SUMF2: variants seen among roughly 807,000 people sequenced by gnomAD.
The protein encoded by SUMF2 is inactive C-alpha-formylglycine-generating enzyme 2.
In SUMF2, 45 loss-of-function variants were observed where a neutral mutation model predicts 44.8. The ratio of observed to expected loss-of-function variants is 1.00; its 90% CI spans 0.79 to 1.29. SUMF2 has a LOEUF of 1.29. Among genes scored for constraint, SUMF2 ranks in the 50% most tolerant of loss-of-function variants. SUMF2 has a pLI of 0.00. For synonymous variants in SUMF2, 148 were observed against 150.4 expected, an observed-to-expected ratio of 0.98 and a Z score of 0.12; for missense variants, 418 against 389.9, an observed-to-expected ratio of 1.07 and a Z score of -0.61.
Position 56,076,759 on chromosome 7 carries a change from C to G in SUMF2, c.536-75C>G, listed in dbSNP as rs1013045734. 28 of 1,384,712 alleles carry G rather than the reference C, an allele frequency of 2.0e-5. No individual in the cohort carries two copies. The African/African-American group carries it at 2.0e-4, about 10-fold the overall frequency. 85.8% of individuals were successfully genotyped at this position (1,384,712 alleles called of 1,614,324 possible). A position where few individuals can be genotyped will look rare whatever the true frequency, so the allele number is the denominator to read the frequency against. On this transcript the variant is annotated intron_variant, in intron 5 of 8. Coordinates refer to ENST00000434526, the MANE Select transcript of SUMF2 (RefSeq NM_015411.4). The stretch of plus-strand genomic sequence containing the variant: ...CTCTAACTTCCTTTTGATTCCCTCA[C>G]TCTTTCTGTGTTCTTTTTTCCTTCC...
chr7:56,082,391 G>C (rs568732075), downstream of SUMF2: 23 of 619,834 alleles, frequency 3.7e-5, no homozygotes, highest in South Asian at 4.6e-4. Flanking sequence ...CCAGGAGTTC[G>C]AGACCAGCCT....
chr7:56,082,797 G>A (rs1796073571), downstream of SUMF2, among the ~76,000 whole-genome samples: 1 of 152,048 alleles, frequency 6.6e-6, no homozygotes, highest in Non-Finnish European at 1.5e-5. Context: ...GAACCTGGGA[G>A]AGGACTTACC....
At chr7:56,082,343 A>C (rs1472578320), downstream of SUMF2, 83 of 1,033,230 alleles carry the variant, frequency 8.0e-5, no homozygotes, top group Admixed American at 6.1e-5. Context: ...CTATAATCCT[A>C]GCACTTTGGG....
downstream of SUMF2, chr7:56,083,732 T>TTGA: frequency 6.5e-7 from 1 of 1,549,620 alleles, no homozygotes. Flanking sequence ...AAACAGAGGG[T>TTGA]TGATAGCTGG....
intron 1 of SUMF2, among the ~76,000 whole-genome samples, chr7:56,068,127 G>A (rs556420465): frequency 6.8e-4 from 98 of 144,534 alleles, no homozygotes; most frequent in Non-Finnish European, 1.2e-3. Context: ...TCCGCCTCCC[G>A]GGTTTACACC....
intron 5 of SUMF2, among the ~76,000 whole-genome samples, chr7:56,075,665 C>T (rs1256720484): frequency 6.7e-6 from 1 of 150,042 alleles, no homozygotes; most frequent in African/African-American, 2.5e-5. Flanking sequence ...CGCCACTGCA[C>T]TCCAGCCTGG....
intron 5 of SUMF2, chr7:56,076,625 A>G (rs1795568127): frequency 2.2e-6 from 1 of 453,258 alleles, no homozygotes. Flanking sequence ...TTAGGATTAC[A>G]TTGCCCTGGA....
chr7:56,081,947 G>A, downstream of SUMF2: 1 of 1,613,942 alleles, frequency 6.2e-7, no homozygotes. This position sits in a 1 kb window ranked among gnomAD's most constrained non-coding sequence, Gnocchi z 4.6. Context: ...CAAACTGGTA[G>A]TTGCCGCTCA....
downstream of SUMF2, among the ~76,000 whole-genome samples, chr7:56,082,997 T>A (rs1271569534): frequency 2.0e-5 from 3 of 151,152 alleles, no homozygotes; most frequent in African/African-American, 7.3e-5. Flanking sequence ...TCACAGCTAC[T>A]CAGGAGGTTG....
rs181299906 is a variant in SUMF2, at chr7:56,074,580, T to C, written c.385-6T>C. The C allele has an allele frequency of 3.2e-4, 524 of 1,613,832 alleles. 1 individual carries two copies. The African/African-American group carries it at 6.3e-3, about 19-fold the overall frequency. On this transcript the variant is annotated splice_region_variant and splice_polypyrimidine_tract_variant and intron_variant, in intron 4 of 8. Coordinates refer to ENST00000434526, the MANE Select transcript of SUMF2 (RefSeq NM_015411.4). The stretch of plus-strand genomic sequence containing the variant: ...GAAGCCTGTCTCACTTAATCCTGGC[T>C]GTCAGCCTGCAGGTCCTGGCTCTGG...
At chr7:56,076,026 CTA>C (rs1163602513) in intron 5 of SUMF2, among the ~76,000 whole-genome samples, 119 of 103,784 alleles carry the variant, frequency 1.1e-3, no homozygotes, top group Middle Eastern at 5.0e-3. Flanking sequence ...CCATGCCCGG[CTA>C]TTTTTTTTTT....
chr7:56,080,842 GC>G (rs1795936912), downstream of SUMF2: 7 of 609,852 alleles, frequency 1.1e-5, no homozygotes, highest in Non-Finnish European at 2.0e-5. Context: ...CCCAGGGCCT[GC>G]CCCAGCCTGC....
In SUMF2 at chr7:56,079,942, T is replaced by C. The variant is rs1795869799; in HGVS notation, c.*330T>C. The C allele has an allele frequency of 4.6e-6, 6 of 1,297,654 alleles. No individual in the cohort carries two copies. The highest frequency in any genetic ancestry group is 1.5e-5 in the African/African-American group (1 of 66,806). The allele number at this position is 1,297,654 out of a possible 1,614,324, so 80.4% of individuals were successfully genotyped here. On this transcript the variant is annotated 3_prime_UTR_variant, in exon 9 of 9. Transcript: ENST00000434526. ...AGGCCATTTTTTAAGCATTTTAAAA[T>C]CTATTCTCTCCCCCTTTCTCCCTGG... is the stretch of plus-strand genomic sequence containing the variant.
rs760466243 is a variant in SUMF2 at position 56,078,171 on chromosome 7, G to A, written c.661G>A (p.Ala221Thr). ...HGVSPVNAFP[A>T]QNNYGLYDLL... ...AGTCTCCCCAGTGAATGCTTTCCCCGCCCAGAACAACTACGGTAAGAGCTG... is the reference window on the plus strand; with the variant it reads ...AGTCTCCCCAGTGAATGCTTTCCCCACCCAGAACAACTACGGTAAGAGCTG... Residue 221 changes from alanine (A) to threonine (T), a missense_variant, in exon 7 of 9, where the codon GCC (alanine) becomes ACC (threonine). Transcript: ENST00000434526. 7.4e-6 allele frequency: 12 copies of A among 1,611,596 alleles called. No individual in the cohort carries two copies. The Admixed American group carries it at 8.3e-5, about 11-fold the overall frequency.
At chr7:56,077,927 TG>T (rs1358800876) in intron 6 of SUMF2, among the ~76,000 whole-genome samples, 174 bp from the exon 7 acceptor site, 1 of 152,044 alleles carries the variant, frequency 6.6e-6, no homozygotes, top group Non-Finnish European at 1.5e-5. Flanking sequence ...GGGGTCACCC[TG>T]GGGATGTAAG....
chr7:56,086,925 C>G, the SUMF2 span: 41 of 1,495,164 alleles, frequency 2.7e-5, no homozygotes, highest in African/African-American at 5.0e-4. Flanking sequence ...GGACAGCAGT[C>G]GGAGGTTCTC....
intron 6 of SUMF2, 106 bp from the exon 7 acceptor site, chr7:56,077,996 C>T: frequency 1.1e-6 from 1 of 948,700 alleles, no homozygotes; most frequent in Non-Finnish European, 1.6e-6. Flanking sequence ...TGCCCTTCCC[C>T]TTCCCCAGAT....
chr7:56,072,959 A>G (rs753134211), intron 2 of SUMF2, 38 bp from the exon 3 acceptor site: 3 of 1,528,358 alleles, frequency 2.0e-6, no homozygotes, highest in Non-Finnish European at 2.7e-6. Context: ...TGGGCACAGA[A>G]CCTCACCAGC....
intron 3 of SUMF2, 76 bp downstream of exon 3, chr7:56,073,187 C>T (rs770880497): frequency 8.7e-7 from 1 of 1,151,072 alleles, no homozygotes; most frequent in Non-Finnish European, 1.3e-6. Flanking sequence ...CATGGGTTAC[C>T]TGGGACACAG....
Sources: gnomAD v4.1 joint callset for allele counts (sites outside exome capture counted in the v4.1 genomes callset) on GRCh38, gnomAD v4.1.1 for gene constraint, Gnocchi (gnomAD v3.1) non-coding constraint, MANE v1.5 for transcripts, NCBI Gene and HGNC (gene_info 2026-07-23, HGNC 2026-07-21) for gene names.